The following ARFGEF2 variants were observed in gnomAD, a reference collection of about 807,000 sequenced individuals.
ARFGEF2 encodes the protein ARF guanine nucleotide exchange factor 2, also known as brefeldin A-inhibited guanine nucleotide-exchange protein 2.
A neutral mutation model predicts 219.9 loss-of-function variants in ARFGEF2; 74 were observed. The observed-to-expected ratio is 0.34, with a 90% CI of 0.28 to 0.41. ARFGEF2 has a LOEUF of 0.41. ARFGEF2 is among the 10% of genes least tolerant of loss of function. The pLI is 1.00. For synonymous variants in ARFGEF2, 733 were observed against 799.2 expected (o/e 0.92, Z 1.40); for missense variants, 1,743 against 2,218.3 (o/e 0.79, Z 4.30).
At chr20:48,992,711 C>T (rs2091364027) in intron 21 of ARFGEF2, among the ~76,000 whole-genome samples, 1 of 152,204 alleles carries the variant, frequency 6.6e-6, no homozygotes. Flanking sequence ...CCAGCCTTTC[C>T]TCTCTCTGTC....
intron 1 of ARFGEF2, 32 bp downstream of exon 1, chr20:48,922,042 T>C (rs772021259): frequency 6.4e-7 from 1 of 1,562,042 alleles, no homozygotes; most frequent in South Asian, 1.2e-5. Flanking sequence ...TGCCCCGCGC[T>C]GGCCTCAGCA....
At chr20:48,995,948 G>A in intron 23 of ARFGEF2, 66 bp downstream of exon 23, 1 of 1,355,144 alleles carries the variant, frequency 7.4e-7, no homozygotes, top group Non-Finnish European at 1.1e-6. Flanking sequence ...TGTAGTTACT[G>A]GACATGAATG....
At chr20:49,020,955 A>G (rs1179607467) in intron 34 of ARFGEF2, among the ~76,000 whole-genome samples, 1 of 152,126 alleles carries the variant, frequency 6.6e-6, no homozygotes, top group Admixed American at 6.5e-5. Flanking sequence ...GCAGACAAAA[A>G]TCTTTGCACT....
At chr20:48,941,135 G>T (rs1164552475) in intron 1 of ARFGEF2, 64 bp from the exon 2 acceptor site, 3 of 1,478,962 alleles carry the variant, frequency 2.0e-6, no homozygotes, top group Non-Finnish European at 2.8e-6. Flanking sequence ...ATATCTTTTA[G>T]TAAAGTTTTC....
intron 6 of ARFGEF2, 103 bp from the exon 7 acceptor site, chr20:48,963,726 CT>C: frequency 1.7e-6 from 2 of 1,144,472 alleles, no homozygotes; most frequent in Non-Finnish European, 1.3e-6. Context: ...TATTTGCACC[CT>C]TTGCCTTCTG....
intron 6 of ARFGEF2, among the ~76,000 whole-genome samples, chr20:48,956,024 A>G (rs895003851): frequency 5.9e-5 from 9 of 152,226 alleles, no homozygotes; most frequent in African/African-American, 1.9e-4. Context: ...GGCTCTAAAG[A>G]AAGAACAGGT....
At chr20:49,032,560 C>G (rs1427905237) in intron 38 of ARFGEF2, among the ~76,000 whole-genome samples, 2 of 151,720 alleles carry the variant, frequency 1.3e-5, no homozygotes, top group East Asian at 3.9e-4. Context: ...TTAAATATAA[C>G]TGAAAGAAGC....
Position 48,994,500 on chromosome 20 carries a change from G to A in ARFGEF2, c.3023G>A (p.Gly1008Asp), listed in dbSNP as rs763952872. ...QLELAQLIGT[G>D]VKTRYLSGSG... ...GAGCTCGCTCAGCTGATAGGAACCGGTGTGAAGACGCGCTACCTGTCTGGA... is the reference window on the plus strand; with the variant it reads ...GAGCTCGCTCAGCTGATAGGAACCGATGTGAAGACGCGCTACCTGTCTGGA... Residue 1008 changes from glycine to aspartate, a missense_variant, in exon 22 of 39, where the codon GGT (glycine) becomes GAT (aspartate). Physicochemically the swap from Gly to Asp is moderately conservative, Grantham distance 94. Coordinates refer to ENST00000371917, the MANE Select transcript of ARFGEF2 (RefSeq NM_006420.3). The A allele has an allele frequency of 6.2e-7, 1 of 1,614,094 alleles. No individual in the cohort carries two copies. The highest frequency in any genetic ancestry group is 1.1e-5 in the South Asian group (1 of 91,078).
chr20:48,986,513 C>T lies in ARFGEF2; in HGVS notation c.2276+900C>T, dbSNP rs548350652. On this transcript the variant is annotated intron_variant, in intron 16 of 38. Transcript: ENST00000371917. ...CTGGGTAATCCCAGCTGCTCAGAGG[C>T]TGAGGCAGGAGAATTGCTTCAACCT... Among the ~76,000 whole-genome samples, 155 of 152,014 alleles carry T rather than the reference C, an allele frequency of 1.0e-3. 1 individual carries two copies. Among genetic ancestry groups the T allele is most frequent in the Middle Eastern group, 3.4e-3 (1 of 294 alleles).
At chr20:49,010,138 A>T in intron 26 of ARFGEF2, 94 bp from the exon 27 acceptor site, 1 of 1,469,578 alleles carries the variant, frequency 6.8e-7, no homozygotes, top group Non-Finnish European at 9.2e-7. Context: ...GCTATAAGAA[A>T]TGTTTAAGTG....
chr20:48,980,667 C>T (rs977273669), intron 14 of ARFGEF2, among the ~76,000 whole-genome samples: 8 of 151,960 alleles, frequency 5.3e-5, no homozygotes, highest in African/African-American at 9.7e-5. Context: ...TAGGTGCTCC[C>T]GTATTGGGTG....
rs779986717 is a variant in ARFGEF2, at chr20:48,989,567, G to T, written c.2697G>T (p.Thr899=). The T allele has an allele frequency of 5.6e-6, 9 of 1,614,080 alleles. No homozygotes were observed. In the Admixed American group the frequency reaches 8.3e-5, roughly 15 times the overall value. ...TCCTTCCATGATAGCTGGTGTGGAC[G>T]CCACTATTGGCAGCCTACAGCATCG... ...HVRPMFKLVW[T]PLLAAYSIGL... Residue 899 remains threonine (T), a synonymous_variant, in exon 20 of 39, where the codon ACG becomes ACT. Transcript: ENST00000371917.
Position 48,952,882 on chromosome 20 carries a change from G to T in ARFGEF2, c.601G>T (p.Val201Leu). The change falls in exon 5 of 39, where the codon GTG (valine) becomes TTG (leucine). Residue 201 changes from valine (V) to leucine (L), a missense_variant and splice_region_variant. By Grantham distance (32) the Val-to-Leu change is conservative. Around this residue, in one of 5 missense-constraint regions of ARFGEF2, gnomAD observed 394 missense variants for 426.6 expected, o/e 0.92. Transcript: ENST00000371917. ...NVIFTRMENQ[V>L]LQEARELEKP... is the part of the protein sequence containing the mutation. ...CATTTTCACCCGCATGGAAAACCAA[G>T]TGGTGAGTGACAGCACTTACGTGCT... 3 of 1,614,248 alleles carry T rather than the reference G, an allele frequency of 1.9e-6. No individual in the cohort carries two copies. The highest frequency in any genetic ancestry group is 2.5e-6 in the Non-Finnish European group (3 of 1,180,032).
intron 1 of ARFGEF2, among the ~76,000 whole-genome samples, chr20:48,927,098 G>A (rs1300060366): frequency 2.0e-5 from 3 of 152,074 alleles, no homozygotes; most frequent in Non-Finnish European, 4.4e-5. Context: ...GTTGTAAAGA[G>A]GAAGAAGGAG....
intron 1 of ARFGEF2, 116 bp downstream of exon 1, chr20:48,922,126 C>T (rs1464921606): frequency 1.2e-5 from 18 of 1,449,370 alleles, no homozygotes; most frequent in Non-Finnish European, 1.7e-5. Flanking sequence ...TCCCGAATTC[C>T]ACCCTTCCGG....
At chr20:49,000,065 C>T (rs1203368298) in intron 25 of ARFGEF2, among the ~76,000 whole-genome samples, 1 of 152,138 alleles carries the variant, frequency 6.6e-6, no homozygotes, top group Non-Finnish European at 1.5e-5. Context: ...AACACCCTGC[C>T]ACAGCCAATT....
chr20:48,953,492 T>A (rs1406392234), intron 5 of ARFGEF2, 64 bp from the exon 6 acceptor site: 12 of 1,508,576 alleles, frequency 8.0e-6, no homozygotes, highest in Non-Finnish European at 1.0e-5. Flanking sequence ...ATTTTTTAAG[T>A]AATAGGCTGG....
chr20:49,029,235 G>A (rs2091620085), intron 37 of ARFGEF2, among the ~76,000 whole-genome samples: 1 of 152,234 alleles, frequency 6.6e-6, no homozygotes, highest in Non-Finnish European at 1.5e-5. Context: ...TCTGATGCCT[G>A]AGCTTTCTTT....
chr20:48,964,151 G>GT (rs1223925732), intron 7 of ARFGEF2, among the ~76,000 whole-genome samples: 1 of 152,216 alleles, frequency 6.6e-6, no homozygotes, highest in Non-Finnish European at 1.5e-5. Context: ...GCTCATGCCT[G>GT]TAATCCCAGC....
Sources: allele counts gnomAD v4.1 joint callset (sites outside exome capture counted in the v4.1 genomes callset), GRCh38; gene constraint gnomAD v4.1.1; regional missense constraint gnomAD v4.1.1; transcripts MANE v1.5; gene names NCBI Gene and HGNC (gene_info 2026-07-23, HGNC 2026-07-21).